IQCM: variants seen among roughly 807,000 people sequenced by gnomAD.
IQCM encodes IQ domain-containing protein M.
IQCM carries 45 observed loss-of-function variants against 57.6 expected under a neutral mutation model. The ratio of observed to expected loss-of-function variants is 0.78; its 90% CI spans 0.62 to 1.00. The LOEUF (loss-of-function observed/expected upper bound fraction) is 1.00, where lower values mean the gene tolerates loss of function less well. Among genes scored for constraint, IQCM ranks in the 50% least tolerant of loss-of-function variants. IQCM has a pLI of 0.00. For missense variants in IQCM, 468 were observed against 511.6 expected, an observed-to-expected ratio of 0.91 and a Z score of 0.82; for synonymous variants, 148 against 158.9, an observed-to-expected ratio of 0.93 and a Z score of 0.51.
intron 2 of IQCM, among the ~76,000 whole-genome samples, chr4:149,807,227 C>T (rs1467522071): frequency 6.6e-6 from 1 of 151,760 alleles, no homozygotes; most frequent in Non-Finnish European, 1.5e-5. Flanking sequence ...AAAAGCAAGG[C>T]TAGAAATATC....
chr4:149,432,980 G>C (rs146797041), intron 13 of IQCM, among the ~76,000 whole-genome samples: 1 of 152,130 alleles, frequency 6.6e-6, no homozygotes, highest in East Asian at 1.9e-4. Context: ...ACCAACTGTT[G>C]ATAGAGCTGT....
intron 13 of IQCM, among the ~76,000 whole-genome samples, chr4:149,373,228 A>G (rs2110991287): frequency 6.6e-6 from 1 of 152,266 alleles, no homozygotes; most frequent in African/African-American, 2.4e-5. Context: ...CTACAATTGT[A>G]ACCTCAAATT....
At chr4:149,807,559 A>G (rs1472576231) in intron 2 of IQCM, among the ~76,000 whole-genome samples, 5 of 152,188 alleles carry the variant, frequency 3.3e-5, no homozygotes, top group African/African-American at 1.2e-4. Context: ...AAGCACAGGC[A>G]ATCACAGCAA....
At chr4:149,557,833 A>G (rs1699074184) in intron 10 of IQCM, among the ~76,000 whole-genome samples, 1 of 152,190 alleles carries the variant, frequency 6.6e-6, no homozygotes. Context: ...TCTTTCTTGT[A>G]TTGACAACCA....
chr4:149,404,102 C>G (rs141189547), intron 13 of IQCM, among the ~76,000 whole-genome samples: 1 of 151,996 alleles, frequency 6.6e-6, no homozygotes, highest in Non-Finnish European at 1.5e-5. Flanking sequence ...GACAGAATTT[C>G]TTCCCTTAAA....
rs866433579 is a variant in IQCM at position 149,502,584 on chromosome 4, G to A, written c.1228+45871C>T. Among the ~76,000 whole-genome samples the A allele has an allele frequency of 3.3e-5, 5 of 152,168 alleles. No homozygotes were observed. The South Asian group carries it at 1.0e-3, about 31-fold the overall frequency. The stretch of plus-strand genomic sequence containing the variant: ...AGCTACTCAGGAGGCTGAGGTGTGA[G>A]GATCACCTGAGCCCTAGAGGTCGAG... On this transcript the variant is annotated intron_variant, in intron 12 of 13. Coordinates refer to ENST00000636793, the MANE Select transcript of IQCM (RefSeq NM_001363507.2).
rs553375707 is a variant in IQCM at position 149,788,155 on chromosome 4, G to A, written c.-49+27156C>T. On this transcript the variant is annotated intron_variant, in intron 2 of 13. Transcript: ENST00000636793. ...TCGAGACCAGCCTGGCCAACATGGT[G>A]AAACTCTGTCTCTACTAAAAATACA... Among the ~76,000 whole-genome samples the A allele has an allele frequency of 2.7e-4, 41 of 152,202 alleles. No homozygotes were observed. The South Asian group carries it at 7.5e-3, about 28-fold the overall frequency.
intron 7 of IQCM, among the ~76,000 whole-genome samples, chr4:149,659,827 A>C (rs1201012434): frequency 1.3e-5 from 2 of 151,630 alleles, no homozygotes; most frequent in Non-Finnish European, 2.9e-5. Flanking sequence ...TACAAAAATT[A>C]ATTCAAGATG....
chr4:149,686,414 ATT>A lies in IQCM; in HGVS notation c.438_439del (p.Lys146AsnfsTer10). On this transcript the variant is annotated frameshift_variant, in exon 6 of 14. Transcript: ENST00000636793. LOFTEE classifies it high-confidence loss of function. ...AAAGTGCTGTTGCTTTGCTGTCTCC[ATT>A]TTTTTACTCACTGGTTCAATAATAG... 1 of 1,227,504 alleles carries A rather than the reference ATT, an allele frequency of 8.1e-7. No individual in the cohort carries two copies. The highest frequency in any genetic ancestry group is 1.6e-5 in the African/African-American group (1 of 64,308). 76.0% of individuals were successfully genotyped at this position (1,227,504 alleles called of 1,614,324 possible).
intron 2 of IQCM, among the ~76,000 whole-genome samples, chr4:149,813,696 T>C (rs896407701): frequency 1.3e-5 from 2 of 152,124 alleles, no homozygotes; most frequent in Non-Finnish European, 2.9e-5. Context: ...AGAATCTTGT[T>C]TGAATCTAAG....
chr4:149,811,593 C>T (rs1774570897), intron 2 of IQCM, among the ~76,000 whole-genome samples: 1 of 152,080 alleles, frequency 6.6e-6, no homozygotes, highest in African/African-American at 2.4e-5. Context: ...TTTCTCTTTT[C>T]CTCTCTTAGC....
intron 8 of IQCM, among the ~76,000 whole-genome samples, chr4:149,618,164 C>T (rs771394627): frequency 4.6e-5 from 7 of 152,048 alleles, no homozygotes; most frequent in Non-Finnish European, 1.0e-4. Context: ...ATACATACAT[C>T]AATGGAAGAA....
At chr4:149,359,212 A>G (rs957439098) in intron 13 of IQCM, among the ~76,000 whole-genome samples, 2 of 152,136 alleles carry the variant, frequency 1.3e-5, no homozygotes, top group Admixed American at 1.3e-4. Flanking sequence ...TAACTTCAAC[A>G]AAGGCCTTTA....
intron 12 of IQCM, among the ~76,000 whole-genome samples, chr4:149,481,651 A>C (rs1740783550): frequency 7.8e-6 from 1 of 127,662 alleles, no homozygotes; most frequent in African/African-American, 2.9e-5. Flanking sequence ...TTTGGTTACC[A>C]TAGCTCTTTG....
chr4:149,502,399 A>G (rs944680940), intron 12 of IQCM, among the ~76,000 whole-genome samples: 14 of 152,174 alleles, frequency 9.2e-5, no homozygotes, highest in African/African-American at 3.1e-4. Flanking sequence ...ATGCCTTTAA[A>G]GGCTCATGAT....
intron 13 of IQCM, 131 bp downstream of exon 13, chr4:149,433,265 A>C (rs774698305): frequency 2.0e-5 from 9 of 440,804 alleles, no homozygotes; most frequent in Non-Finnish European, 3.3e-5. Context: ...AGAGTATCTA[A>C]GAAGTAAAGA....
chr4:149,586,432 T>C (rs986567438), intron 9 of IQCM, among the ~76,000 whole-genome samples: 2 of 151,668 alleles, frequency 1.3e-5, no homozygotes, highest in Admixed American at 1.3e-4. Flanking sequence ...CTAATGTCTA[T>C]AGGATATACA....
At chr4:149,588,770 G>A (rs946264809) in intron 8 of IQCM, among the ~76,000 whole-genome samples, 9 of 151,872 alleles carry the variant, frequency 5.9e-5, no homozygotes, top group African/African-American at 1.7e-4. Flanking sequence ...ATAAATTTAT[G>A]TTGTTTAGTC....
rs542677183 is a variant in IQCM, at chr4:149,622,406, G to A, written c.566-1162C>T. Among the ~76,000 whole-genome samples the A allele has an allele frequency of 8.7e-5, 13 of 150,172 alleles. No individual in the cohort carries two copies. In the South Asian group the frequency reaches 1.5e-3, roughly 17 times the overall value. ...CCCCCAGGCTGGAGTGCAGTGGTGC[G>A]ATCTCGGCTCACTGCAAGCTCTGCC... On this transcript the variant is annotated intron_variant, in intron 7 of 13. Transcript: ENST00000636793.
Sources: allele counts gnomAD v4.1 joint callset (sites outside exome capture counted in the v4.1 genomes callset), GRCh38; gene constraint gnomAD v4.1.1; transcripts MANE v1.5; gene names NCBI Gene and HGNC (gene_info 2026-07-23, HGNC 2026-07-21).